DNAH17: variants seen among roughly 807,000 people sequenced by gnomAD.
DNAH17 encodes the protein axonemal beta dynein heavy chain 17.
In DNAH17, 376 loss-of-function variants were observed where a neutral mutation model predicts 485.6. The observed-to-expected ratio is 0.77, with a 90% confidence interval of 0.71 to 0.84. DNAH17 has a LOEUF of 0.84. Ranked by LOEUF, DNAH17 falls within the 40% of genes least tolerant of loss-of-function variation. The pLI, the probability that DNAH17 is intolerant of heterozygous loss-of-function variation, is 0.00. For synonymous variants in DNAH17, 3,031 were observed against 2,405.9 expected, an observed-to-expected ratio of 1.26 and a Z score of -7.60; for missense variants, 6,370 against 5,839.3, an observed-to-expected ratio of 1.09 and a Z score of -2.96.
In DNAH17 at chr17:78,502,021, G is replaced by A; in HGVS notation, c.5191-148C>T. The stretch of plus-strand genomic sequence containing the variant: ...ACAAGAGCGCCCTCGGTAGGCCCCA[G>A]CCAGGCACTGGTTTCACCAGGGTGC... On this transcript the variant is annotated intron_variant, in intron 33 of 80. Transcript: ENST00000389840. 3.5e-6 allele frequency: 4 copies of A among 1,141,978 alleles called. No individual in the cohort carries two copies. The South Asian group carries it at 6.0e-5, about 17-fold the overall frequency. 70.7% of individuals were successfully genotyped at this position (1,141,978 alleles called of 1,614,324 possible).
intron 6 of DNAH17, 77 bp downstream of exon 6, chr17:78,570,871 A>G (rs1188064409): frequency 2.2e-5 from 17 of 778,318 alleles, no homozygotes; most frequent in Middle Eastern, 4.2e-4. Context: ...AAAAAAAAAA[A>G]AAAAAAAGAA....
chr17:78,533,385 G>C (rs1295828848), intron 19 of DNAH17, among the ~76,000 whole-genome samples: 1 of 152,178 alleles, frequency 6.6e-6, no homozygotes, highest in Non-Finnish European at 1.5e-5. Flanking sequence ...GCTGATGGAT[G>C]GGTAGACAAG....
chr17:78,431,668 G>A lies in DNAH17; in HGVS notation c.12225+2361C>T, dbSNP rs79667576. Among the ~76,000 whole-genome samples the A allele has an allele frequency of 5.7e-3, 861 of 152,240 alleles. 5 individuals are homozygous for A. Among genetic ancestry groups the A allele is most frequent in the African/African-American group, 0.02 (817 of 41,518 alleles). On this transcript the variant is annotated intron_variant, in intron 75 of 80. Transcript: ENST00000389840. ...TCACTCAGCGTGTAGCATGACCTGT[G>A]CCATGAAGGGAATATGGGAGCCGGT...
At chr17:78,432,182 A>AT (rs1381814180) in intron 75 of DNAH17, among the ~76,000 whole-genome samples, 1 of 143,104 alleles carries the variant, frequency 7.0e-6, no homozygotes, top group African/African-American at 2.8e-5. Flanking sequence ...TGTCTCAAAA[A>AT]TAAATAAATA....
rs374833832 is a variant in DNAH17 at position 78,502,877 on chromosome 17, G to A, written c.5082+9C>T. On this transcript the variant is annotated intron_variant, in intron 32 of 80. Transcript: ENST00000389840. ...ACGAGGCGCCGCCGAGCCCCCACCC[G>A]CCTCAGACCTGGGCTGGGTAGTCCA... 1.2e-4 allele frequency: 190 copies of A among 1,610,996 alleles called. No homozygotes were observed. Among genetic ancestry groups the A allele is most frequent in the South Asian group, 2.1e-4 (19 of 90,806 alleles).
Position 78,560,821 on chromosome 17 carries a change from C to T in DNAH17, c.1950G>A (p.Gln650=). The T allele has an allele frequency of 6.4e-7, 1 of 1,551,842 alleles. No homozygotes were observed. Among genetic ancestry groups the T allele is most frequent in the Non-Finnish European group, 8.7e-7 (1 of 1,147,124 alleles). ...GCTGCCCCAGGTTAAAGTGGCAGTC[C>T]TGGTCCACGCCCGCCACCCACTGCT... is the stretch of plus-strand genomic sequence containing the variant. The part of the protein sequence containing the change: ...IYQQWVAGVD[Q]DCHFNLGQPL... The change falls in exon 13 of 81, where the codon CAG becomes CAA. Residue 650 remains glutamine, a synonymous_variant. Coordinates refer to ENST00000389840, the MANE Select transcript of DNAH17 (RefSeq NM_173628.4).
chr17:78,497,203 C>T (rs1568155506), intron 37 of DNAH17, among the ~76,000 whole-genome samples: 1 of 152,182 alleles, frequency 6.6e-6, no homozygotes, highest in Non-Finnish European at 1.5e-5. Flanking sequence ...CCTAGAGCAT[C>T]AGGGGCCGTT....
chr17:78,552,740 G>C lies in DNAH17; in HGVS notation c.2244C>G (p.Val748=). 6.2e-7 allele frequency: 1 copy of C among 1,613,830 alleles called. No homozygotes were observed. The highest frequency in any genetic ancestry group is 8.5e-7 in the Non-Finnish European group (1 of 1,179,796). Residue 748 remains valine (V), a synonymous_variant, in exon 15 of 81, where the codon GTC becomes GTG. Transcript: ENST00000389840. ...LIKSELEAID[V]KLLSAETTLF... ...ATGTCGTTTCAGCGCTCAATAACTT[G>C]ACATCAATTGCTTCCAGTTCTGACT...
intron 49 of DNAH17, among the ~76,000 whole-genome samples, chr17:78,480,013 CTTTTTTTT>C (rs370344478): frequency 1.6e-3 from 114 of 70,520 alleles, no homozygotes; most frequent in African/African-American, 4.2e-3. Flanking sequence ...ACAACAAGTA[CTTTTTTTT>C]TTTTTTTTTT....
chr17:78,575,197 G>A (rs2092416502), intron 1 of DNAH17, 115 bp from the exon 2 acceptor site: 4 of 765,602 alleles, frequency 5.2e-6, no homozygotes, highest in Non-Finnish European at 8.2e-6. Flanking sequence ...AAAACAGTTG[G>A]TCGAGAGTGT....
At chr17:78,572,071 T>G (rs188820247) in intron 3 of DNAH17, among the ~76,000 whole-genome samples, 83 of 152,278 alleles carry the variant, frequency 5.5e-4, no homozygotes, top group Middle Eastern at 3.4e-3. Context: ...ATTTAAACCC[T>G]ATTCAAGATG....
intron 16 of DNAH17, among the ~76,000 whole-genome samples, chr17:78,545,129 C>T (rs556806410): frequency 5.9e-5 from 9 of 152,060 alleles, no homozygotes; most frequent in Non-Finnish European, 1.2e-4. Context: ...CTGGGGTGAA[C>T]GATGAAGACT....
intron 34 of DNAH17, 179 bp downstream of exon 34, chr17:78,501,563 G>T: frequency 1.0e-6 from 1 of 1,000,446 alleles, no homozygotes; most frequent in Non-Finnish European, 1.4e-6. Context: ...TCATCTGACT[G>T]CTGTGTGTTG....
At chr17:78,560,101 A>C (rs2092119982) in intron 13 of DNAH17, among the ~76,000 whole-genome samples, 1 of 152,024 alleles carries the variant, frequency 6.6e-6, no homozygotes, top group South Asian at 2.1e-4. Context: ...CTAGCTGATC[A>C]TCCTCCCCGC....
At chr17:78,514,583 C>T (rs999028416) in intron 26 of DNAH17, among the ~76,000 whole-genome samples, 191 bp downstream of exon 26, 14 of 152,024 alleles carry the variant, frequency 9.2e-5, no homozygotes, top group African/African-American at 3.4e-4. Flanking sequence ...CGGAGCCTGC[C>T]CCACCACCCC....
chr17:78,523,719 AAC>A (rs1021455260), intron 25 of DNAH17, among the ~76,000 whole-genome samples: 1 of 152,214 alleles, frequency 6.6e-6, no homozygotes, highest in Non-Finnish European at 1.5e-5. Context: ...CAGCCTGGGC[AAC>A]ACAGCAAGAT....
At position 78,425,433 on chromosome 17, in the gene DNAH17, G is replaced by C. The variant is rs556324207; in HGVS notation, c.13054C>G (p.Leu4352Val). ...KNEWPLDKMC[L>V]SVEVTKKNRE... is the part of the protein sequence containing the mutation. ...TTTTTCTTGGTCACCTCGACAGACA[G>C]ACACATCTTGTCCAGGGGCCACTCG... The change falls in exon 80 of 81, where the codon CTG becomes GTG. Residue 4352 changes from leucine (L) to valine (V), a missense_variant. Physicochemically the swap from Leu to Val is conservative, Grantham distance 32. Coordinates refer to ENST00000389840, the MANE Select transcript of DNAH17 (RefSeq NM_173628.4). The C allele has an allele frequency of 1.7e-5, 27 of 1,614,024 alleles. No homozygotes were observed. Among genetic ancestry groups the C allele is most frequent in the Admixed American group, 3.3e-5 (2 of 60,026 alleles).
chr17:78,481,628 A>T (rs1436525459), intron 48 of DNAH17, among the ~76,000 whole-genome samples: 2 of 152,186 alleles, frequency 1.3e-5, no homozygotes, highest in Non-Finnish European at 2.9e-5. Flanking sequence ...CATATGAAAA[A>T]ACACTGGGAA....
intron 80 of DNAH17, chr17:78,425,145 G>A (rs1568031324): frequency 6.9e-6 from 4 of 576,434 alleles, no homozygotes; most frequent in East Asian, 2.9e-5. Context: ...TCCAGACCCT[G>A]CACATTCCCT....
Sources: gnomAD v4.1 joint callset for allele counts (sites outside exome capture counted in the v4.1 genomes callset) on GRCh38, gnomAD v4.1.1 for gene constraint, MANE v1.5 for transcripts, NCBI Gene and HGNC (gene_info 2026-07-23, HGNC 2026-07-21) for gene names.